Variants in DHRS4L2 observed in about 807,000 individuals in gnomAD.
DHRS4L2 encodes dehydrogenase/reductase 4 like 2.
Under a neutral mutation model 23.9 loss-of-function variants are expected in DHRS4L2, and 22 were observed. That is an observed-to-expected ratio of 0.92 (90% CI 0.66 to 1.31). The LOEUF (loss-of-function observed/expected upper bound fraction) is 1.31, where lower values mean the gene tolerates loss of function less well. Among genes scored for constraint, DHRS4L2 ranks in the 40% most tolerant of loss-of-function variants. The pLI, the probability that DHRS4L2 is intolerant of heterozygous loss-of-function variation, is 0.00. For missense variants in DHRS4L2, 385 were observed against 303.3 expected (o/e 1.27, Z -2.00); for synonymous variants, 141 against 123.7 (o/e 1.14, Z -0.93).
At chr14:23,984,199 T>C (rs1296071882), upstream of DHRS4L2, among the ~76,000 whole-genome samples, 2 of 151,592 alleles carry the variant, frequency 1.3e-5, no homozygotes, top group Non-Finnish European at 2.9e-5. Context: ...TCTGGAAAGA[T>C]ACACAAAGCC....
At chr14:23,974,332 A>G (rs1336627597) in intron 1 of DHRS4L2, among the ~76,000 whole-genome samples, 4 of 151,764 alleles carry the variant, frequency 2.6e-5, no homozygotes, top group African/African-American at 9.7e-5. Context: ...CCTCAAAATT[A>G]AAAGAACTAG....
intron 1 of DHRS4L2, among the ~76,000 whole-genome samples, chr14:23,982,871 T>G (rs2034078170): frequency 6.6e-6 from 1 of 151,610 alleles, no homozygotes; most frequent in Non-Finnish European, 1.5e-5. Flanking sequence ...TTAAATTAAG[T>G]TGGGTTTAAT....
At chr14:23,994,494 C>T (rs1405429376) in intron 2 of DHRS4L2, among the ~76,000 whole-genome samples, 1 of 151,640 alleles carries the variant, frequency 6.6e-6, no homozygotes, top group Non-Finnish European at 1.5e-5. Context: ...TCCAGACCAG[C>T]CTGGGCAACA....
At chr14:23,996,193 C>T (rs2034379189) in intron 3 of DHRS4L2, among the ~76,000 whole-genome samples, 3 of 151,724 alleles carry the variant, frequency 2.0e-5, no homozygotes, top group Admixed American at 1.3e-4. Flanking sequence ...GGGATCCACC[C>T]TCATGACCCA....
exon 1 of DHRS4L2, chr14:23,969,953 C>T (rs577065247): frequency 2.9e-5 from 13 of 453,502 alleles, no homozygotes; most frequent in South Asian, 2.0e-4. Context: ...GCTCACGCAA[C>T]CGCCACTGTC....
intron 3 of DHRS4L2, among the ~76,000 whole-genome samples, chr14:23,996,938 T>G (rs1048477525): frequency 2.0e-5 from 3 of 151,966 alleles, no homozygotes; most frequent in Non-Finnish European, 4.4e-5. Context: ...CACAGCCAGA[T>G]TCTGATAGTC....
chr14:24,001,546 G>A (rs780351656), intron 6 of DHRS4L2, 29 bp downstream of exon 6: 4 of 1,597,618 alleles, frequency 2.5e-6, no homozygotes, highest in Admixed American at 1.7e-5. Context: ...GCATTTGACT[G>A]GGACCCCTTG....
intron 3 of DHRS4L2, among the ~76,000 whole-genome samples, chr14:23,995,597 C>T (rs942669332): frequency 6.6e-5 from 10 of 151,778 alleles, no homozygotes; most frequent in African/African-American, 2.2e-4. Context: ...CACTTTATAA[C>T]ATACATCCTT....
intron 1 of DHRS4L2, among the ~76,000 whole-genome samples, chr14:23,974,552 A>C (rs1224963081): frequency 2.6e-5 from 4 of 151,804 alleles, no homozygotes; most frequent in Admixed American, 1.3e-4. Flanking sequence ...CACAATAAAA[A>C]ATCATAAAGG....
rs1425441611 is a variant in DHRS4L2, at chr14:24,001,067, G to A, written c.514G>A (p.Ala172Thr). The change falls in exon 5 of 8, where the codon GCC (alanine) becomes ACC (threonine). Residue 172 changes from alanine (A) to threonine (T), a missense_variant. Transcript: ENST00000335125. ...AGTGGTGATCGTGTCTTCCATAGCA[G>A]CCTTCAGTCCATCTCCTGTAAGAAC... ...GSVVIVSSIA[A>T]FSPSPGFSPY... 1 of 1,611,096 alleles carries A rather than the reference G, an allele frequency of 6.2e-7. No individual in the cohort carries two copies. Among genetic ancestry groups the A allele is most frequent in the South Asian group, 1.1e-5 (1 of 90,944 alleles).
At chr14:23,987,854 T>C (rs151287844), upstream of DHRS4L2, among the ~76,000 whole-genome samples, 84 of 151,888 alleles carry the variant, frequency 5.5e-4, 3 homozygotes, top group Middle Eastern at 6.8e-3. Context: ...ATTCAGATAC[T>C]TACCTTTGGG....
At chr14:24,001,959 T>TG (rs1266856716) in intron 6 of DHRS4L2, among the ~76,000 whole-genome samples, 1 of 22,402 alleles carries the variant, frequency 4.5e-5, no homozygotes, top group Non-Finnish European at 6.2e-5. Flanking sequence ...TTCCTCTTCT[T>TG]TTTTTTTTTT....
intron 3 of DHRS4L2, among the ~76,000 whole-genome samples, chr14:23,999,005 AG>A (rs1298307533): frequency 4.3e-4 from 65 of 149,656 alleles, no homozygotes; most frequent in African/African-American, 1.5e-3. Flanking sequence ...AAGCCATTGT[AG>A]GGTTAATAGT....
chr14:23,982,597 CA>C (rs2034073931), intron 1 of DHRS4L2, among the ~76,000 whole-genome samples: 1 of 151,432 alleles, frequency 6.6e-6, no homozygotes, highest in Non-Finnish European at 1.5e-5. Flanking sequence ...GTAATAGTAC[CA>C]AACAGATATC....
At position 23,988,973 on chromosome 14, in the gene DHRS4L2, T is replaced by A. The variant is rs1439712985; in HGVS notation, c.26T>A (p.Leu9His). The A allele has an allele frequency of 1.9e-6, 3 of 1,612,106 alleles. 1 individual carries two copies. The highest frequency in any genetic ancestry group is 2.5e-6 in the Non-Finnish European group (3 of 1,179,088). ...ATGCAGATGGCCAGGCTGCTAGGCCTCTGTGCCTGGGCACGGAAGTCGGTG... is the reference window on the plus strand; with the variant it reads ...ATGCAGATGGCCAGGCTGCTAGGCCACTGTGCCTGGGCACGGAAGTCGGTG... MQMARLLG[L>H]CAWARKSVRM... The change falls in exon 1 of 8, where the codon CTC becomes CAC. Residue 9 changes from leucine (L) to histidine (H), a missense_variant. Transcript: ENST00000335125.
At chr14:23,973,972 T>C (rs1432040675) in intron 1 of DHRS4L2, among the ~76,000 whole-genome samples, 2 of 151,234 alleles carry the variant, frequency 1.3e-5, no homozygotes, top group African/African-American at 4.9e-5. Flanking sequence ...ATCACACTTA[T>C]TCTAAAATTG....
chr14:23,994,584 G>A (rs895632358), intron 2 of DHRS4L2, among the ~76,000 whole-genome samples: 5 of 151,482 alleles, frequency 3.3e-5, no homozygotes, highest in African/African-American at 7.3e-5. Flanking sequence ...ACTACTTGGG[G>A]GGCTGAGCCA....
chr14:23,976,086 C>A (rs1243044174), intron 1 of DHRS4L2, among the ~76,000 whole-genome samples: 1 of 151,422 alleles, frequency 6.6e-6, no homozygotes, highest in Non-Finnish European at 1.5e-5. Context: ...GTAATGGCAA[C>A]AAAAGCCAAA....
In DHRS4L2 at chr14:23,973,417, C is replaced by A. The variant is rs1421173863; in HGVS notation, c.-176+3085C>A. On this transcript the variant is annotated intron_variant, in intron 1 of 5. Transcript: ENST00000534993. ...GAAGCCAGCTCCAGTCTCAGCCAGC[C>A]CAGAAAGGGGCTCCCACAGTGCAGC... Among the ~76,000 whole-genome samples, 10 of 151,918 alleles carry A rather than the reference C, an allele frequency of 6.6e-5. 1 individual carries two copies. The highest frequency in any genetic ancestry group is 2.2e-4 in the African/African-American group (9 of 41,292).
Sources: allele counts gnomAD v4.1 joint callset (sites outside exome capture counted in the v4.1 genomes callset), GRCh38; gene constraint gnomAD v4.1.1; transcripts MANE v1.5; gene names NCBI Gene and HGNC (gene_info 2026-07-23, HGNC 2026-07-21).